The following MECOM variants were observed in gnomAD, a reference collection of about 807,000 sequenced individuals.
MECOM encodes histone-lysine N-methyltransferase MECOM.
A neutral mutation model predicts 116.3 loss-of-function variants in MECOM; 13 were observed. The observed-to-expected ratio is 0.11, with a 90% CI of 0.07 to 0.18. The LOEUF is 0.18. Ranked by LOEUF, MECOM falls within the 10% of genes least tolerant of loss-of-function variation. The pLI, the probability that MECOM is intolerant of heterozygous loss-of-function variation, is 1.00. For synonymous variants in MECOM, 528 were observed against 535.2 expected (o/e 0.99, Z 0.19); for missense variants, 1,299 against 1,509.0 (o/e 0.86, Z 2.31).
intron 2 of MECOM, among the ~76,000 whole-genome samples, chr3:169,303,341 A>T (rs1419087827): frequency 7.4e-6 from 1 of 134,608 alleles, no homozygotes; most frequent in Non-Finnish European, 1.5e-5. Flanking sequence ...CTTGAAACAG[A>T]TATATATATA....
At chr3:169,451,700 C>T (rs899870074) in intron 1 of MECOM, among the ~76,000 whole-genome samples, 16 of 152,100 alleles carry the variant, frequency 1.1e-4, no homozygotes, top group African/African-American at 3.6e-4. Context: ...GTGTATTATA[C>T]CATTGATGAT....
intron 1 of MECOM, chr3:169,477,093 GTGTGTGTGTGTGTATATATATATATA>G: frequency 1.8e-5 from 1 of 56,074 alleles, no homozygotes; most frequent in East Asian, 3.8e-4. Context: ...GTGTGTGTGT[GTGTGTGTGTGTGTATATATATATATA>G]TATATATATA....
intron 2 of MECOM, among the ~76,000 whole-genome samples, chr3:169,151,095 C>A (rs993044408): frequency 6.6e-6 from 1 of 152,186 alleles, no homozygotes; most frequent in Non-Finnish European, 1.5e-5. Flanking sequence ...TAAACTGATG[C>A]CTCTTTTAAG....
rs116328767 is a variant in MECOM, at chr3:169,154,810, C to A, written c.376-10978G>T. On this transcript the variant is annotated intron_variant, in intron 2 of 16. Coordinates refer to ENST00000651503, the MANE Select transcript of MECOM (RefSeq NM_004991.4). ...TTTAATTGCTATCATTATTATTGCTCAGCCTATAATTTATTTTGCCTTGGT... is the reference window on the plus strand; with the variant it reads ...TTTAATTGCTATCATTATTATTGCTAAGCCTATAATTTATTTTGCCTTGGT... Among the ~76,000 whole-genome samples the A allele has an allele frequency of 8.2e-3, 1,255 of 152,198 alleles. 8 individuals are homozygous for A. Among genetic ancestry groups the A allele is most frequent in the South Asian group, 0.021 (101 of 4,816 alleles).
intron 1 of MECOM, among the ~76,000 whole-genome samples, chr3:169,554,746 C>T (rs574425440): frequency 1.3e-5 from 2 of 152,288 alleles, no homozygotes; most frequent in Admixed American, 6.5e-5. Context: ...GGTTCATATA[C>T]TAAAAATAAC....
At chr3:169,641,555 G>A (rs988299065) in intron 1 of MECOM, among the ~76,000 whole-genome samples, 1 of 152,096 alleles carries the variant, frequency 6.6e-6, no homozygotes, top group African/African-American at 2.4e-5. Context: ...GCAAGTATGG[G>A]GCATTATCAT....
At chr3:169,495,803 A>C (rs976457589) in intron 1 of MECOM, among the ~76,000 whole-genome samples, 2 of 152,208 alleles carry the variant, frequency 1.3e-5, no homozygotes, top group Non-Finnish European at 2.9e-5. Context: ...TGGCACAGTG[A>C]TGTTAATTGA....
At chr3:169,321,540 CAA>C (rs112385413) in intron 2 of MECOM, among the ~76,000 whole-genome samples, 2 of 136,858 alleles carry the variant, frequency 1.5e-5, no homozygotes, top group Admixed American at 7.4e-5. Context: ...GACTCCGTCT[CAA>C]AAAAAAAAAA....
intron 2 of MECOM, among the ~76,000 whole-genome samples, chr3:169,281,639 C>T (rs920660163): frequency 6.6e-6 from 1 of 151,944 alleles, no homozygotes; most frequent in African/African-American, 2.4e-5. Flanking sequence ...GGCAAAACCC[C>T]ATCTCTATAA....
intron 1 of MECOM, among the ~76,000 whole-genome samples, chr3:169,660,684 A>G (rs566066040): frequency 6.6e-6 from 1 of 152,346 alleles, no homozygotes; most frequent in South Asian, 2.1e-4. Flanking sequence ...AACCCAGAAA[A>G]AGAAAAACTG....
chr3:169,572,012 T>C (rs966648715), intron 1 of MECOM, among the ~76,000 whole-genome samples: 7 of 150,856 alleles, frequency 4.6e-5, no homozygotes, highest in South Asian at 2.1e-4. Context: ...AACTAAAGAG[T>C]TTCTGCACAG....
intron 1 of MECOM, among the ~76,000 whole-genome samples, chr3:169,610,527 GTA>G (rs1553898653): frequency 6.6e-6 from 1 of 150,974 alleles, no homozygotes; most frequent in Non-Finnish European, 1.5e-5. Context: ...GTGTGTGTGT[GTA>G]TAATATCCCT....
At chr3:169,605,592 C>G (rs1768430437) in intron 1 of MECOM, among the ~76,000 whole-genome samples, 1 of 152,064 alleles carries the variant, frequency 6.6e-6, no homozygotes, top group African/African-American at 2.4e-5. Flanking sequence ...CAGAAAGAGT[C>G]CCACTGGAAG....
At chr3:169,418,679 T>A (rs1379320960) in intron 1 of MECOM, among the ~76,000 whole-genome samples, 1 of 152,068 alleles carries the variant, frequency 6.6e-6, no homozygotes, top group African/African-American at 2.4e-5. Flanking sequence ...AGAAAAGGCC[T>A]TCGATAAAAT....
At chr3:169,105,626 A>G (rs951395955) in intron 10 of MECOM, among the ~76,000 whole-genome samples, 4 of 152,154 alleles carry the variant, frequency 2.6e-5, no homozygotes, top group African/African-American at 9.7e-5. Context: ...ATATATTTTA[A>G]AAATATATTA....
chr3:169,508,977 A>G (rs927631387), intron 1 of MECOM, among the ~76,000 whole-genome samples: 1 of 152,254 alleles, frequency 6.6e-6, no homozygotes, highest in East Asian at 1.9e-4. Flanking sequence ...GAGTTGAAAG[A>G]GACCTAAAGA....
In MECOM at chr3:169,127,974, T is replaced by C. The variant is rs752321051; in HGVS notation, c.700A>G (p.Thr234Ala). The C allele has an allele frequency of 6.2e-6, 10 of 1,613,876 alleles. No homozygotes were observed. In the African/African-American group the frequency reaches 1.3e-4, roughly 22 times the overall value. ...ACCATTGAAAATGCTGAGTGAGGAG[T>C]ACTGCATGGAAACTTTTGGTGATCT... ...LADHQKFPCS[T>A]PHSAFSMVEE... Residue 234 changes from threonine (T) to alanine (A), a missense_variant, in exon 5 of 17, where the codon ACT becomes GCT. Physicochemically the swap from Thr to Ala is moderately conservative, Grantham distance 58. Transcript: ENST00000651503.
intron 2 of MECOM, among the ~76,000 whole-genome samples, chr3:169,325,494 G>T (rs1177651026): frequency 6.6e-6 from 1 of 152,212 alleles, no homozygotes; most frequent in Non-Finnish European, 1.5e-5. Context: ...TGAAGGGTAT[G>T]TGAAGCCCCA....
chr3:169,185,270 CT>C (rs893582354), intron 2 of MECOM, among the ~76,000 whole-genome samples: 1 of 152,002 alleles, frequency 6.6e-6, no homozygotes, highest in African/African-American at 2.4e-5. Flanking sequence ...CATTTGAGAA[CT>C]GTGGAGGGGA....
Sources: gnomAD v4.1 joint callset for allele counts (sites outside exome capture counted in the v4.1 genomes callset) on GRCh38, gnomAD v4.1.1 for gene constraint, MANE v1.5 for transcripts, NCBI Gene and HGNC (gene_info 2026-07-23, HGNC 2026-07-21) for gene names.